The following DENND6A variants were observed in gnomAD, a reference collection of about 807,000 sequenced individuals.
The protein encoded by DENND6A is protein DENND6A.
In DENND6A, 43 loss-of-function variants were observed where a neutral mutation model predicts 95.5. That is an observed-to-expected ratio of 0.45 (90% CI 0.35 to 0.58). DENND6A has a LOEUF of 0.58. Ranked by LOEUF, DENND6A falls within the 20% of genes least tolerant of loss-of-function variation. The pLI, the probability that DENND6A is intolerant of heterozygous loss-of-function variation, is 0.00. For missense variants in DENND6A, 574 were observed against 736.0 expected (o/e 0.78, Z 2.55); for synonymous variants, 257 against 260.4 (o/e 0.99, Z 0.13).
intron 12 of DENND6A, among the ~76,000 whole-genome samples, chr3:57,638,364 G>A (rs2070845175): frequency 6.6e-6 from 1 of 151,736 alleles, no homozygotes; most frequent in East Asian, 1.9e-4. Context: ...ATATATAAAT[G>A]GCCAATAAAC....
intron 1 of DENND6A, among the ~76,000 whole-genome samples, chr3:57,676,937 C>A (rs1223163205): frequency 3.3e-5 from 5 of 152,144 alleles, no homozygotes; most frequent in Non-Finnish European, 1.5e-5. Flanking sequence ...GATTCTTGTG[C>A]CTCAGCCACC....
chr3:57,648,681 G>A (rs1210390510), intron 9 of DENND6A, among the ~76,000 whole-genome samples: 1 of 152,136 alleles, frequency 6.6e-6, no homozygotes, highest in Non-Finnish European at 1.5e-5. Flanking sequence ...ATAGACCAAT[G>A]GAACAGAACA....
chr3:57,689,249 G>T (rs577179644), intron 1 of DENND6A, among the ~76,000 whole-genome samples: 2 of 151,722 alleles, frequency 1.3e-5, no homozygotes, highest in African/African-American at 4.8e-5. Context: ...CGCCATGCCC[G>T]GCCTAGTGTT....
At chr3:57,661,612 C>T in intron 5 of DENND6A, 61 bp from the exon 6 acceptor site, 2 of 1,276,700 alleles carry the variant, frequency 1.6e-6, no homozygotes, top group Non-Finnish European at 2.2e-6. Flanking sequence ...CTTGCATAAT[C>T]AATTACTAAC....
At chr3:57,664,250 T>C (rs1423861853) in intron 4 of DENND6A, among the ~76,000 whole-genome samples, 1 of 151,798 alleles carries the variant, frequency 6.6e-6, no homozygotes, top group Non-Finnish European at 1.5e-5. Flanking sequence ...ATAAAAGGAG[T>C]TAAATGACAA....
chr3:57,672,224 T>C, intron 3 of DENND6A, 32 bp downstream of exon 3: 9 of 1,572,618 alleles, frequency 5.7e-6, no homozygotes, highest in Non-Finnish European at 7.8e-6. Flanking sequence ...TAGTATAAAA[T>C]TAAACAGAAA....
chr3:57,664,572 T>G (rs142389757), intron 4 of DENND6A, among the ~76,000 whole-genome samples: 1 of 152,130 alleles, frequency 6.6e-6, no homozygotes, highest in Non-Finnish European at 1.5e-5. Context: ...CAGTGGCTCA[T>G]GCCTGTAATC....
Position 57,692,877 on chromosome 3 carries a change from G to C in DENND6A, c.142C>G (p.Arg48Gly). 1 of 1,584,138 alleles carries C rather than the reference G, an allele frequency of 6.3e-7. No homozygotes were observed. Among genetic ancestry groups the C allele is most frequent in the Non-Finnish European group, 8.6e-7 (1 of 1,169,468 alleles). Reference sequence around the variant, plus strand: ...TCCCAGCGCAGCAGGCCCCGGCCACGGCCATCGTCCTCTTCATCGTCCTCT... The same window carrying C: ...TCCCAGCGCAGCAGGCCCCGGCCACCGCCATCGTCCTCTTCATCGTCCTCT... ...APEDDEEDDG[R>G]GRGLLRWDSF... The change falls in exon 1 of 20, where the codon CGT becomes GGT. Residue 48 changes from arginine (R) to glycine (G), a missense_variant. By Grantham distance (125) the Arg-to-Gly change is moderately radical. Transcript: ENST00000311128.
intron 1 of DENND6A, among the ~76,000 whole-genome samples, chr3:57,683,246 T>C (rs987706021): frequency 2.6e-5 from 4 of 152,182 alleles, no homozygotes; most frequent in African/African-American, 9.7e-5. Context: ...TCAAATAAAC[T>C]AGACCAAAAG....
intron 18 of DENND6A, among the ~76,000 whole-genome samples, chr3:57,630,070 G>C (rs1236490852): frequency 6.6e-6 from 1 of 152,198 alleles, no homozygotes; most frequent in African/African-American, 2.4e-5. Flanking sequence ...GAGCTGAGAA[G>C]AGATGTGCAC....
At chr3:57,641,290 A>G (rs930601519) in intron 12 of DENND6A, among the ~76,000 whole-genome samples, 5 of 143,890 alleles carry the variant, frequency 3.5e-5, no homozygotes, top group South Asian at 2.1e-4. Context: ...ATATTTAAAT[A>G]TTATATATTT....
intron 18 of DENND6A, among the ~76,000 whole-genome samples, chr3:57,629,785 G>A (rs2070624916): frequency 6.6e-6 from 1 of 151,532 alleles, no homozygotes; most frequent in South Asian, 2.1e-4. Context: ...GCCTCCCAAA[G>A]TGCTGGGATT....
rs1156532234 is a variant in DENND6A at position 57,631,716 on chromosome 3, CTTTT to C, written c.1354-742_1354-739del. Among the ~76,000 whole-genome samples, 4 of 92,006 alleles carry C rather than the reference CTTTT, an allele frequency of 4.3e-5. No individual in the cohort carries two copies. In the South Asian group the frequency reaches 1.5e-3, roughly 35 times the overall value. The allele number at this position is 92,006 out of a possible 152,430, so 60.4% of individuals were successfully genotyped here. On this transcript the variant is annotated intron_variant, in intron 15 of 19. Transcript: ENST00000311128. The stretch of plus-strand genomic sequence containing the variant: ...TCTACTTGACTTTGGTCTCTGCTCT[CTTTT>C]TTTTTTTTTTTTTTTTTTTTGAGAC...
intron 1 of DENND6A, among the ~76,000 whole-genome samples, chr3:57,680,725 A>G (rs1005409091): frequency 1.3e-5 from 2 of 152,220 alleles, no homozygotes; most frequent in African/African-American, 4.8e-5. Context: ...CAAATAACCC[A>G]ATTTTCAAAT....
chr3:57,689,302 A>G (rs1575875613), intron 1 of DENND6A, among the ~76,000 whole-genome samples: 1 of 149,918 alleles, frequency 6.7e-6, no homozygotes, highest in Non-Finnish European at 1.5e-5. Context: ...TGAGTATGTT[A>G]TTATTCACTC....
At chr3:57,688,292 G>T (rs570182079) in intron 1 of DENND6A, among the ~76,000 whole-genome samples, 5 of 151,910 alleles carry the variant, frequency 3.3e-5, no homozygotes, top group Non-Finnish European at 7.4e-5. Flanking sequence ...CACCACACTC[G>T]GCTTATTAAG....
At chr3:57,666,792 C>G (rs1363097796) in intron 3 of DENND6A, among the ~76,000 whole-genome samples, 2 of 152,136 alleles carry the variant, frequency 1.3e-5, no homozygotes, top group Admixed American at 6.6e-5. Flanking sequence ...AAAGTCACTT[C>G]CAGCAGTAAC....
chr3:57,635,021 T>C (rs919304876), intron 12 of DENND6A, among the ~76,000 whole-genome samples: 1 of 152,232 alleles, frequency 6.6e-6, no homozygotes, highest in Non-Finnish European at 1.5e-5. Context: ...TTCATTAATA[T>C]CTATCATTAC....
rs2077169227 is a variant in DENND6A, at chr3:57,681,912, G to GT, written c.238-9475dup. ...GAAAATGTCCTGCAATTAGATAGAG[G>GT]TGTTAGTTGCACATCCTGTGAAAAC... On this transcript the variant is annotated intron_variant, in intron 1 of 19. Transcript: ENST00000311128. Among the ~76,000 whole-genome samples the GT allele has an allele frequency of 2.0e-5, 3 of 152,132 alleles. No homozygotes were observed. In the South Asian group the frequency reaches 6.2e-4, roughly 32 times the overall value.
Sources: allele counts gnomAD v4.1 joint callset (sites outside exome capture counted in the v4.1 genomes callset), GRCh38; gene constraint gnomAD v4.1.1; transcripts MANE v1.5; gene names NCBI Gene and HGNC (gene_info 2026-07-23, HGNC 2026-07-21).